MEX3B: variants seen among roughly 807,000 people sequenced by gnomAD.
The protein encoded by MEX3B is mex-3 RNA binding family member B.
Under a neutral mutation model 12.2 loss-of-function variants are expected in MEX3B, and 10 were observed. That is an observed-to-expected ratio of 0.82 (90% CI 0.51 to 1.40). The LOEUF is 1.40. MEX3B is among the 40% of genes most tolerant of loss of function. The pLI, the probability that MEX3B is intolerant of heterozygous loss-of-function variation, is 0.00. For synonymous variants in MEX3B, 498 were observed against 356.3 expected, an observed-to-expected ratio of 1.40 and a Z score of -4.48; for missense variants, 839 against 801.4, an observed-to-expected ratio of 1.05 and a Z score of -0.57.
Position 82,043,231 on chromosome 15 carries a change from A to G in MEX3B, c.1639T>C (p.Cys547Arg). 1.3e-6 allele frequency: 2 copies of G among 1,593,946 alleles called. No individual in the cohort carries two copies. The highest frequency in any genetic ancestry group is 1.7e-6 in the Non-Finnish European group (2 of 1,170,364). ...GGGCACTCGGGCTCGCTCTTCTCAC[A>G]GATGCGATTGGCGCACTCCATGCAG... ...LFCMECANRI[C>R]EKSEPECPVC... Residue 547 changes from cysteine to arginine, a missense_variant, in exon 2 of 2, where the codon TGT becomes CGT. This residue lies in a region of MEX3B where 573 missense variants were observed against 488.9 expected (regional missense o/e 1.17). Transcript: ENST00000329713.
Position 82,043,706 on chromosome 15 carries a change from A to C in MEX3B, c.1164T>G (p.Pro388=), listed in dbSNP as rs750290709. ...AGCAGGAAGAAGATACCGGAGCTGCAGGTCCGCCTCCCGGGGACCGCTCGA... is the reference window on the plus strand; with the variant it reads ...AGCAGGAAGAAGATACCGGAGCTGCCGGTCCGCCTCCCGGGGACCGCTCGA... ...AQFERSPGGG[P]AAPVSSSCSS... The change falls in exon 2 of 2, where the codon CCT becomes CCG. Residue 388 remains proline (P), a synonymous_variant. Coordinates refer to ENST00000329713, the MANE Select transcript of MEX3B (RefSeq NM_032246.6). The C allele has an allele frequency of 6.3e-7, 1 of 1,595,904 alleles. No individual in the cohort carries two copies. The highest frequency in any genetic ancestry group is 8.5e-7 in the Non-Finnish European group (1 of 1,172,114).
rs1174991971 is a variant in MEX3B at position 82,044,395 on chromosome 15, C to T, written c.475G>A (p.Gly159Arg). The change falls in exon 2 of 2, where the codon GGG becomes AGG. Residue 159 changes from glycine to arginine, a missense_variant. Physicochemically the swap from Gly to Arg is moderately radical, Grantham distance 125. This residue lies in a region of MEX3B where 214 missense variants were observed against 223.8 expected (regional missense o/e 0.96). Coordinates refer to ENST00000329713, the MANE Select transcript of MEX3B (RefSeq NM_032246.6). The surrounding 1 kb of genome is among the most constrained non-coding windows in gnomAD (Gnocchi z 5.3). ...ACCCGCACTTGGATGGTGGTCTGCC[C>T]GGGCAGGTTGGGCGGCCCAGGCACC... ...GAVPGPPNLP[G>R]QTTIQVRVPY... is the part of the protein sequence containing the mutation. 1.9e-6 allele frequency: 3 copies of T among 1,610,978 alleles called. No individual in the cohort carries two copies. In the Admixed American group the frequency reaches 5.0e-5, roughly 27 times the overall value.
chr15:82,045,882 G>A lies in MEX3B; in HGVS notation c.-177C>T. ...TGGGTCGCTCCGTGCGGTCCGCACC[G>A]GGCAGTGGCTGCAGGAGCCCCCACC... On this transcript the variant is annotated 5_prime_UTR_variant, in exon 1 of 2. Transcript: ENST00000329713. The A allele has an allele frequency of 1.6e-6, 1 of 636,442 alleles. No individual in the cohort carries two copies. The highest frequency in any genetic ancestry group is 2.3e-6 in the Non-Finnish European group (1 of 439,542). 39.4% of individuals were successfully genotyped at this position (636,442 alleles called of 1,614,324 possible).
At position 82,044,976 on chromosome 15, in the gene MEX3B, T is replaced by G. The variant is rs929974963; in HGVS notation, c.257-363A>C. The G allele has an allele frequency of 1.7e-5, 10 of 575,230 alleles. No homozygotes were observed. The highest frequency in any genetic ancestry group is 1.3e-4 in the Admixed American group (4 of 31,520). The allele number at this position is 575,230 out of a possible 1,614,324, so 35.6% of individuals were successfully genotyped here. On this transcript the variant is annotated intron_variant, in intron 1 of 1. Transcript: ENST00000329713. The surrounding 1 kb of genome is among the most constrained non-coding windows in gnomAD (Gnocchi z 5.3). ...GGGGAAGGGGCTCGGGGAAGGCAGC[T>G]GAAGTCGCGATGCCTCAGCGCTGGT...
At position 82,044,749 on chromosome 15, in the gene MEX3B, G is replaced by A; in HGVS notation, c.257-136C>T. 1.1e-6 allele frequency: 1 copy of A among 870,376 alleles called. No homozygotes were observed. 53.9% of individuals were successfully genotyped at this position (870,376 alleles called of 1,614,324 possible). ...AGGACAAGAGATGGGCGGAAAGGGGGCGTCTCCCTCACTGACCTCGGGCCG... is the reference window on the plus strand; with the variant it reads ...AGGACAAGAGATGGGCGGAAAGGGGACGTCTCCCTCACTGACCTCGGGCCG... On this transcript the variant is annotated intron_variant, in intron 1 of 1. Coordinates refer to ENST00000329713, the MANE Select transcript of MEX3B (RefSeq NM_032246.6). The surrounding 1 kb of genome is among the most constrained non-coding windows in gnomAD (Gnocchi z 5.3).
chr15:82,043,815 G>A lies in MEX3B; in HGVS notation c.1055C>T (p.Ser352Phe), dbSNP rs776565659. ...YTAGGEASVP[S>F]PDGCPELQPT... ...CTGCAGCTCGGGGCAGCCGTCGGGGGATGGCACTGAGGCTTCTCCCCCCGC... is the reference window on the plus strand; with the variant it reads ...CTGCAGCTCGGGGCAGCCGTCGGGGAATGGCACTGAGGCTTCTCCCCCCGC... The change falls in exon 2 of 2, where the codon TCC becomes TTC. Residue 352 changes from serine to phenylalanine, a missense_variant. Physicochemically the swap from Ser to Phe is radical, Grantham distance 155. Around this residue, in one of 3 missense-constraint regions of MEX3B, gnomAD observed 573 missense variants for 488.9 expected, o/e 1.17. Transcript: ENST00000329713. The A allele has an allele frequency of 1.3e-6, 2 of 1,589,804 alleles. No homozygotes were observed. The highest frequency in any genetic ancestry group is 1.8e-5 in the Admixed American group (1 of 56,472).
intron 1 of MEX3B, 107 bp downstream of exon 1, chr15:82,045,343 A>G (rs2073250309): frequency 1.5e-6 from 2 of 1,361,580 alleles, no homozygotes; most frequent in South Asian, 1.2e-5. Flanking sequence ...TCTCTCCCCA[A>G]GGCACCCCAC....
In MEX3B at chr15:82,045,595, C is replaced by A. The variant is rs765422434; in HGVS notation, c.111G>T (p.Ala37=). The change falls in exon 1 of 2, where the codon GCG becomes GCT. Residue 37 remains alanine (A), a synonymous_variant. Transcript: ENST00000329713. ...TLDDQRALQL[A]LDQLSLLGLD... ...GCCCCAGCAGGGAGAGCTGGTCGAGCGCGAGCTGCAGGGCTCTTTGGTCAT... is the reference window on the plus strand; with the variant it reads ...GCCCCAGCAGGGAGAGCTGGTCGAGAGCGAGCTGCAGGGCTCTTTGGTCAT... 2 of 1,609,294 alleles carry A rather than the reference C, an allele frequency of 1.2e-6. No individual in the cohort carries two copies. The highest frequency in any genetic ancestry group is 1.3e-5 in the African/African-American group (1 of 74,908).
chr15:82,043,230 C>A lies in MEX3B; in HGVS notation c.1640G>T (p.Cys547Phe). 6.3e-7 allele frequency: 1 copy of A among 1,593,344 alleles called. No homozygotes were observed. The highest frequency in any genetic ancestry group is 8.5e-7 in the Non-Finnish European group (1 of 1,170,074). Residue 547 changes from cysteine (C) to phenylalanine (F), a missense_variant, in exon 2 of 2, where the codon TGT becomes TTT. Cys to Phe is a radical substitution (Grantham distance 205). Transcript: ENST00000329713. ...LFCMECANRI[C>F]EKSEPECPVC... ...CGGGCACTCGGGCTCGCTCTTCTCA[C>A]AGATGCGATTGGCGCACTCCATGCA...
At position 82,043,220 on chromosome 15, in the gene MEX3B, G is replaced by C. The variant is rs1441699202; in HGVS notation, c.1650C>G (p.Ser550Arg). 6.3e-7 allele frequency: 1 copy of C among 1,581,962 alleles called. No homozygotes were observed. Among genetic ancestry groups the C allele is most frequent in the Non-Finnish European group, 8.6e-7 (1 of 1,164,542 alleles). Residue 550 changes from serine to arginine, a missense_variant, in exon 2 of 2, where the codon AGC becomes AGG. Ser to Arg is a moderately radical substitution (Grantham distance 110). Coordinates refer to ENST00000329713, the MANE Select transcript of MEX3B (RefSeq NM_032246.6). ...MECANRICEK[S>R]EPECPVCHTA... ...TGTGGCAGACCGGGCACTCGGGCTCGCTCTTCTCACAGATGCGATTGGCGC... is the reference window on the plus strand; with the variant it reads ...TGTGGCAGACCGGGCACTCGGGCTCCCTCTTCTCACAGATGCGATTGGCGC...
chr15:82,045,976 C>A lies in MEX3B; in HGVS notation c.-271G>T, dbSNP rs1053684852. ...AGCTCTAGCGGTGGCCGCGCGTGCC[C>A]CCCGAGTGCCCGGCTGGCTGGCCGC... On this transcript the variant is annotated 5_prime_UTR_variant, in exon 1 of 2. Transcript: ENST00000329713. 7.6e-5 allele frequency: 28 copies of A among 366,388 alleles called. No individual in the cohort carries two copies. The highest frequency in any genetic ancestry group is 1.3e-4 in the Non-Finnish European group (26 of 206,876). The allele number at this position is 366,388 out of a possible 1,614,324, so 22.7% of individuals were successfully genotyped here.
chr15:82,043,288 C>T lies in MEX3B; in HGVS notation c.1582G>A (p.Ala528Thr), dbSNP rs1295600092. The T allele has an allele frequency of 1.2e-6, 2 of 1,612,012 alleles. No individual in the cohort carries two copies. The highest frequency in any genetic ancestry group is 1.7e-6 in the Non-Finnish European group (2 of 1,178,986). The change falls in exon 2 of 2, where the codon GCC becomes ACC. Residue 528 changes from alanine to threonine, a missense_variant. Ala to Thr is a moderately conservative substitution (Grantham distance 58). This residue lies in a region of MEX3B where 573 missense variants were observed against 488.9 expected (regional missense o/e 1.17). Transcript: ENST00000329713. The stretch of plus-strand genomic sequence containing the variant: ...TTGTGGCCACAGGGCACCAGCGCGG[C>T]AATCACTTCGCTCTCGAAGCACACG... The part of the protein sequence containing the change: ...CSVCFESEVI[A>T]ALVPCGHNLF...
At position 82,045,777 on chromosome 15, in the gene MEX3B, C is replaced by T; in HGVS notation, c.-72G>A. 1 of 1,309,554 alleles carries T rather than the reference C, an allele frequency of 7.6e-7. No individual in the cohort carries two copies. Among genetic ancestry groups the T allele is most frequent in the Non-Finnish European group, 9.6e-7 (1 of 1,036,902 alleles). 81.1% of individuals were successfully genotyped at this position (1,309,554 alleles called of 1,614,324 possible). A position where few individuals can be genotyped will look rare whatever the true frequency, so the allele number is the denominator to read the frequency against. ...CGAGAAGCTGCGGCCACAAAGGCAGCCGGGAAGCGGGTGGTCAGGGGCGGG... is the reference window on the plus strand; with the variant it reads ...CGAGAAGCTGCGGCCACAAAGGCAGTCGGGAAGCGGGTGGTCAGGGGCGGG... On this transcript the variant is annotated 5_prime_UTR_variant, in exon 1 of 2. Coordinates refer to ENST00000329713, the MANE Select transcript of MEX3B (RefSeq NM_032246.6).
In MEX3B at chr15:82,043,839, G is replaced by T; in HGVS notation, c.1031C>A (p.Ala344Glu). The change falls in exon 2 of 2, where the codon GCG (alanine) becomes GAG (glutamate). Residue 344 changes from alanine to glutamate, a missense_variant. Ala to Glu is a moderately radical substitution (Grantham distance 107). Transcript: ENST00000329713. ...NNNGNGYTYT[A>E]GGEASVPSPD... ...GGATGGCACTGAGGCTTCTCCCCCC[G>T]CTGTGTAGGTGTACCCATTGCCGTT... 6.3e-7 allele frequency: 1 copy of T among 1,591,768 alleles called. No individual in the cohort carries two copies. Among genetic ancestry groups the T allele is most frequent in the Non-Finnish European group, 8.6e-7 (1 of 1,169,542 alleles).
In MEX3B at chr15:82,044,540, G is replaced by A; in HGVS notation, c.330C>T (p.Val110=). 6.2e-7 allele frequency: 1 copy of A among 1,614,200 alleles called. No homozygotes were observed. Among genetic ancestry groups the A allele is most frequent in the South Asian group, 1.1e-5 (1 of 91,092 alleles). ...IKTPVRGEEP[V]FVVTGRKEDV... is the part of the protein sequence containing the mutation. Reference sequence around the variant, plus strand: ...CCTCCTTCCTGCCCGTCACAACAAAGACAGGCTCCTCCCCGCGAACTGGGG... The same window carrying A: ...CCTCCTTCCTGCCCGTCACAACAAAAACAGGCTCCTCCCCGCGAACTGGGG... Residue 110 remains valine, a synonymous_variant, in exon 2 of 2, where the codon GTC becomes GTT. Transcript: ENST00000329713. This position sits in a 1 kb window ranked among gnomAD's most constrained non-coding sequence, Gnocchi z 5.3.
Position 82,042,871 on chromosome 15 carries a change from C to T in MEX3B, c.*289G>A, listed in dbSNP as rs1947178976. On this transcript the variant is annotated 3_prime_UTR_variant, in exon 2 of 2. Coordinates refer to ENST00000329713, the MANE Select transcript of MEX3B (RefSeq NM_032246.6). ...GTAAAAACTATCATTACTAGAATGTCGCCGTTCCTATTATTTATAGAGCAT... is the reference window on the plus strand; with the variant it reads ...GTAAAAACTATCATTACTAGAATGTTGCCGTTCCTATTATTTATAGAGCAT... 1 of 283,528 alleles carries T rather than the reference C, an allele frequency of 3.5e-6. No homozygotes were observed. The allele number at this position is 283,528 out of a possible 1,614,324, so 17.6% of individuals were successfully genotyped here.
Position 82,044,400 on chromosome 15 carries a change from A to C in MEX3B, c.470T>G (p.Leu157Arg). The C allele has an allele frequency of 6.2e-7, 1 of 1,611,446 alleles. No individual in the cohort carries two copies. Among genetic ancestry groups the C allele is most frequent in the South Asian group, 1.1e-5 (1 of 90,942 alleles). Residue 157 changes from leucine to arginine, a missense_variant, in exon 2 of 2, where the codon CTG (leucine) becomes CGG (arginine). Leu to Arg is a moderately radical substitution (Grantham distance 102, BLOSUM62 -2). Transcript: ENST00000329713. The surrounding 1 kb of genome is among the most constrained non-coding windows in gnomAD (Gnocchi z 5.3). ...CACTTGGATGGTGGTCTGCCCGGGC[A>C]GGTTGGGCGGCCCAGGCACCGCGCC... ...LNGAVPGPPN[L>R]PGQTTIQVRV... is the part of the protein sequence containing the mutation.
At chr15:82,045,003 G>A (rs904019017) in intron 1 of MEX3B, 6 of 584,086 alleles carry the variant, frequency 1.0e-5, no homozygotes, top group Admixed American at 6.2e-5. Flanking sequence ...AGCGCTGGTC[G>A]ACTGGGGGTA....
Position 82,043,908 on chromosome 15 carries a change from G to T in MEX3B, c.962C>A (p.Pro321His). The change falls in exon 2 of 2, where the codon CCT becomes CAT. Residue 321 changes from proline (P) to histidine (H), a missense_variant. By Grantham distance (77) the Pro-to-His change is moderately conservative. Around this residue, in one of 3 missense-constraint regions of MEX3B, gnomAD observed 573 missense variants for 488.9 expected, o/e 1.17. Transcript: ENST00000329713. Reference protein sequence around the residue: ...ATQRLADYSPPSPALSFAHNG... With the variant: ...ATQRLADYSPHSPALSFAHNG... ...GTGCGCAAAGCTCAGGGCGGGGCTA[G>T]GGGGGCTGTAGTCCGCCAGGCGCTG... is the stretch of plus-strand genomic sequence containing the variant. The T allele has an allele frequency of 1.9e-6, 3 of 1,597,814 alleles. No homozygotes were observed. Among genetic ancestry groups the T allele is most frequent in the South Asian group, 1.1e-5 (1 of 89,026 alleles).
Sources: allele counts gnomAD v4.1 joint callset, GRCh38; gene constraint gnomAD v4.1.1; regional missense constraint gnomAD v4.1.1; non-coding constraint Gnocchi (gnomAD v3.1); transcripts MANE v1.5; gene names NCBI Gene and HGNC (gene_info 2026-07-23, HGNC 2026-07-21).